TTF1: variants seen among roughly 807,000 people sequenced by gnomAD.
The protein encoded by TTF1 is transcription termination factor 1.
A neutral mutation model predicts 80.2 loss-of-function variants in TTF1; 64 were observed. That is an observed-to-expected ratio of 0.80 (90% CI 0.65 to 0.98). The LOEUF (loss-of-function observed/expected upper bound fraction) is 0.98, where lower values mean the gene tolerates loss of function less well. Among genes scored for constraint, TTF1 ranks in the 50% least tolerant of loss-of-function variants. The pLI, the probability that TTF1 is intolerant of heterozygous loss-of-function variation, is 0.00. For missense variants in TTF1, 1,023 were observed against 1,086.2 expected (o/e 0.94, Z 0.82); for synonymous variants, 372 against 382.7 (o/e 0.97, Z 0.33).
intron 8 of TTF1, among the ~76,000 whole-genome samples, chr9:132,387,698 G>T (rs1365083953): frequency 1.3e-5 from 2 of 152,052 alleles, no homozygotes; most frequent in Non-Finnish European, 2.9e-5. Flanking sequence ...AACACTTTAG[G>T]GGGGACCCTG....
intron 7 of TTF1, among the ~76,000 whole-genome samples, chr9:132,389,546 G>A (rs1477282800): frequency 6.6e-6 from 1 of 152,080 alleles, no homozygotes; most frequent in African/African-American, 2.4e-5. Flanking sequence ...AACATTCCCT[G>A]TTCTTTGGAG....
At chr9:132,397,571 G>C (rs1218369137) in intron 4 of TTF1, among the ~76,000 whole-genome samples, 2 of 152,194 alleles carry the variant, frequency 1.3e-5, no homozygotes, top group Admixed American at 6.5e-5. Flanking sequence ...GGAACAGGAG[G>C]AGAAACCAAA....
intron 9 of TTF1, among the ~76,000 whole-genome samples, chr9:132,381,437 G>A (rs374212379): frequency 7.7e-4 from 118 of 152,294 alleles, no homozygotes; most frequent in South Asian, 6.6e-3. Context: ...CAATCCACCC[G>A]CCTTGGCCTC....
intron 1 of TTF1, among the ~76,000 whole-genome samples, chr9:132,404,197 C>T (rs1849819469): frequency 6.6e-6 from 1 of 152,164 alleles, no homozygotes; most frequent in Admixed American, 6.5e-5. Flanking sequence ...TTGTGATCTG[C>T]ATTTGCTATT....
Position 132,402,350 on chromosome 9 carries a change from C to T in TTF1, c.472G>A (p.Ala158Thr), listed in dbSNP as rs748912949. Residue 158 changes from alanine to threonine, a missense_variant, in exon 2 of 11, where the codon GCC (alanine) becomes ACC (threonine). Ala to Thr is a moderately conservative substitution (Grantham distance 58). Transcript: ENST00000334270. ...LAKSHAHKSE[A>T]LHSKVREKKN... ...TTCTCCCTAACTTTACTGTGCAGGG[C>T]TTCTGATTTATGTGCATGTGACTTA... 86 of 1,614,024 alleles carry T rather than the reference C, an allele frequency of 5.3e-5. No homozygotes were observed. Among genetic ancestry groups the T allele is most frequent in the Non-Finnish European group, 7.1e-5 (84 of 1,180,020 alleles).
chr9:132,379,238 T>C, intron 9 of TTF1, 94 bp from the exon 10 acceptor site: 1 of 891,092 alleles, frequency 1.1e-6, no homozygotes, highest in African/African-American at 1.7e-5. Context: ...AGGTGAGGTT[T>C]ATAGTTTTTT....
At chr9:132,404,242 A>G (rs1200037050) in intron 1 of TTF1, among the ~76,000 whole-genome samples, 3 of 152,134 alleles carry the variant, frequency 2.0e-5, no homozygotes, top group African/African-American at 7.2e-5. Flanking sequence ...AGCTCTCTCT[A>G]TATCAGCGGT....
chr9:132,392,523 C>A (rs886765745), intron 5 of TTF1, among the ~76,000 whole-genome samples: 1 of 152,190 alleles, frequency 6.6e-6, no homozygotes, highest in Non-Finnish European at 1.5e-5. Context: ...CCTGCATGCT[C>A]GCCAGTGCCG....
intron 6 of TTF1, 141 bp from the exon 7 acceptor site, chr9:132,390,972 G>A (rs963000255): frequency 5.5e-6 from 4 of 726,018 alleles, no homozygotes; most frequent in Middle Eastern, 7.9e-4. Context: ...ACACAATTAT[G>A]TGCATATTAA....
At position 132,376,056 on chromosome 9, in the gene TTF1, A is replaced by G. The variant is rs540955528; in HGVS notation, c.2577T>C (p.Val859=). ...KIQTPAAPKQ[V]FPFRDIFYYE... is the part of the protein sequence containing the mutation. ...AATAAAAGATGTCTCGAAATGGGAAAACTTGCTTGGGTGCTGCAGGAGTCT... is the reference window on the plus strand; with the variant it reads ...AATAAAAGATGTCTCGAAATGGGAAGACTTGCTTGGGTGCTGCAGGAGTCT... The change falls in exon 11 of 11, where the codon GTT becomes GTC. Residue 859 remains valine, a synonymous_variant. Transcript: ENST00000334270. 3 of 1,614,166 alleles carry G rather than the reference A, an allele frequency of 1.9e-6. No individual in the cohort carries two copies. In the Admixed American group the frequency reaches 5.0e-5, roughly 27 times the overall value.
At chr9:132,377,522 T>C (rs868518916) in intron 10 of TTF1, among the ~76,000 whole-genome samples, 8 of 136,438 alleles carry the variant, frequency 5.9e-5, no homozygotes, top group Admixed American at 1.5e-4. Flanking sequence ...TGTGAGTGCA[T>C]GCATGTAGTG....
chr9:132,405,167 G>A (rs962605091), intron 1 of TTF1, among the ~76,000 whole-genome samples: 1 of 152,226 alleles, frequency 6.6e-6, no homozygotes, highest in South Asian at 2.1e-4. Context: ...GATTACAGGC[G>A]TGAGCCACCC....
At position 132,392,218 on chromosome 9, in the gene TTF1, G is replaced by A; in HGVS notation, c.1857-12C>T. The A allele has an allele frequency of 6.2e-7, 1 of 1,613,748 alleles. No individual in the cohort carries two copies. The highest frequency in any genetic ancestry group is 2.2e-5 in the East Asian group (1 of 44,856). ...CTCCTTCGCTATACCTAGGAGAAAG[G>A]GAAAATGTTTTACAAGTTTAAACGA... is the stretch of plus-strand genomic sequence containing the variant. On this transcript the variant is annotated splice_polypyrimidine_tract_variant and intron_variant, in intron 5 of 10. Coordinates refer to ENST00000334270, the MANE Select transcript of TTF1 (RefSeq NM_007344.4).
chr9:132,395,480 G>A (rs1008168625), intron 5 of TTF1, among the ~76,000 whole-genome samples: 13 of 152,100 alleles, frequency 8.5e-5, no homozygotes, highest in Admixed American at 3.9e-4. Flanking sequence ...AAGCATTCTT[G>A]TAAGTCCCAT....
intron 4 of TTF1, 139 bp downstream of exon 4, chr9:132,398,002 A>G (rs1431314992): frequency 1.6e-6 from 1 of 626,982 alleles, no homozygotes; most frequent in East Asian, 3.4e-5. Context: ...AAAAAAAAGA[A>G]TATCATCAGC....
At chr9:132,377,029 GACTT>G (rs1436258523) in intron 10 of TTF1, among the ~76,000 whole-genome samples, 1 of 152,126 alleles carries the variant, frequency 6.6e-6, no homozygotes, top group East Asian at 1.9e-4. Context: ...CTGAGTTTGG[GACTT>G]ACATATCTAA....
chr9:132,403,621 T>G (rs1001088204), intron 1 of TTF1, among the ~76,000 whole-genome samples: 1 of 151,902 alleles, frequency 6.6e-6, no homozygotes, highest in Non-Finnish European at 1.5e-5. Context: ...CTTTCATATT[T>G]AAAAAAGAAA....
intron 10 of TTF1, 81 bp from the exon 11 acceptor site, chr9:132,376,249 A>G (rs879434090): frequency 6.6e-5 from 94 of 1,423,916 alleles, no homozygotes; most frequent in Admixed American, 6.9e-5. Context: ...GGAGGCTGGT[A>G]ATGAATATGA....
At chr9:132,387,291 TC>T (rs895569797) in intron 8 of TTF1, among the ~76,000 whole-genome samples, 24 of 149,014 alleles carry the variant, frequency 1.6e-4, no homozygotes, top group South Asian at 6.4e-4. Flanking sequence ...ACAGTAACCC[TC>T]CCCCCCCAAT....
Sources: allele counts gnomAD v4.1 joint callset (sites outside exome capture counted in the v4.1 genomes callset), GRCh38; gene constraint gnomAD v4.1.1; transcripts MANE v1.5; gene names NCBI Gene and HGNC (gene_info 2026-07-23, HGNC 2026-07-21).